Variants in IFT172 observed in about 807,000 individuals in gnomAD.
The protein encoded by IFT172 is intraflagellar transport protein 172 homolog.
A neutral mutation model predicts 248.9 loss-of-function variants in IFT172; 164 were observed. That is an observed-to-expected ratio of 0.66 (90% CI 0.58 to 0.75). The LOEUF is 0.75. IFT172 is among the 30% of genes least tolerant of loss of function. IFT172 has a pLI of 0.00. For missense variants in IFT172, 1,950 were observed against 2,192.4 expected (o/e 0.89, Z 2.21); for synonymous variants, 729 against 791.6 (o/e 0.92, Z 1.33).
intron 18 of IFT172, among the ~76,000 whole-genome samples, chr2:27,463,794 G>A (rs1215549938): frequency 6.6e-6 from 1 of 152,098 alleles, no homozygotes; most frequent in Non-Finnish European, 1.5e-5. Context: ...AACAGCTAGT[G>A]TTAAGGCTCT....
At chr2:27,459,564 T>A (rs779917509) in intron 24 of IFT172, 42 bp from the exon 25 acceptor site, 10 of 1,610,556 alleles carry the variant, frequency 6.2e-6, no homozygotes, top group Non-Finnish European at 7.6e-6. Context: ...GGATGAAAGA[T>A]GAAGATGAAT....
At chr2:27,458,923 T>G (rs538417396) in intron 25 of IFT172, 55 bp from the exon 26 acceptor site, 1 of 1,589,474 alleles carries the variant, frequency 6.3e-7, no homozygotes, top group Non-Finnish European at 8.6e-7. Context: ...TTAAAGCAGC[T>G]TGAATGAGGA....
In IFT172 at chr2:27,459,800, C is replaced by A. The variant is rs149748534; in HGVS notation, c.2551G>T (p.Val851Leu). Reference protein sequence around the residue: ...AVELARLAFPVEVVKLEEAWG... With the variant: ...AVELARLAFPLEVVKLEEAWG... The stretch of plus-strand genomic sequence containing the variant: ...GCCTCCTCTAGTTTCACCACCTCCA[C>A]TGGGAAGGCCAATCGAGCCAGCTCT... The change falls in exon 24 of 48, where the codon GTG (valine) becomes TTG (leucine). Residue 851 changes from valine to leucine, a missense_variant. Val to Leu is a conservative substitution (Grantham distance 32). Transcript: ENST00000260570. 4.8e-4 allele frequency: 770 copies of A among 1,612,648 alleles called. 4 individuals are homozygous for A. In the African/African-American group the frequency reaches 9.1e-3, roughly 19 times the overall value.
At position 27,477,994 on chromosome 2, in the gene IFT172, C is replaced by T; in HGVS notation, c.1167+1G>A. 1.9e-6 allele frequency: 3 copies of T among 1,614,056 alleles called. No homozygotes were observed. Among genetic ancestry groups the T allele is most frequent in the South Asian group, 2.2e-5 (2 of 91,072 alleles). On this transcript the variant is annotated splice_donor_variant, in intron 11 of 47. Coordinates refer to ENST00000260570, the MANE Select transcript of IFT172 (RefSeq NM_015662.3). LOFTEE classifies it high-confidence loss of function. Reference sequence around the variant, plus strand: ...ACCCTACCCTCAATTTTGGTTCCTACCTCACTAAGCCGATTAGTGTTCAGG... The same window carrying T: ...ACCCTACCCTCAATTTTGGTTCCTATCTCACTAAGCCGATTAGTGTTCAGG...
intron 39 of IFT172, 85 bp downstream of exon 39, chr2:27,449,209 G>A (rs1458715537): frequency 1.0e-5 from 16 of 1,528,124 alleles, no homozygotes; most frequent in Non-Finnish European, 1.2e-5. Context: ...GGGTTTTTGT[G>A]GAGGTAGAAG....
rs1317035837 is a variant in IFT172 at position 27,465,180 on chromosome 2, A to G, written c.1937+231T>C. On this transcript the variant is annotated intron_variant, in intron 18 of 47. Coordinates refer to ENST00000260570, the MANE Select transcript of IFT172 (RefSeq NM_015662.3). ...TGTGATCTGCCCACCTCAGCCTCCC[A>G]AAGTGCTGGGATTACAGGCATCAGC... 3 of 520,600 alleles carry G rather than the reference A, an allele frequency of 5.8e-6. No individual in the cohort carries two copies. In the South Asian group the frequency reaches 7.5e-5, roughly 13 times the overall value. The allele number at this position is 520,600 out of a possible 1,614,324, so 32.2% of individuals were successfully genotyped here.
At chr2:27,483,205 C>T in intron 7 of IFT172, 84 bp downstream of exon 7, 1 of 805,830 alleles carries the variant, frequency 1.2e-6, no homozygotes, top group Non-Finnish European at 2.2e-6. Context: ...TTGGTAGAGA[C>T]AGGGTTTCAC....
Position 27,449,493 on chromosome 2 carries a change from T to G in IFT172, c.4224+6A>C. On this transcript the variant is annotated splice_donor_region_variant and intron_variant, in intron 38 of 47. Coordinates refer to ENST00000260570, the MANE Select transcript of IFT172 (RefSeq NM_015662.3). ...TTCTGCCTCCTGCTAACTCTCCAAG[T>G]CTCACCGAGTCCACTTTGCCCTGAT... 6.2e-7 allele frequency: 1 copy of G among 1,614,120 alleles called. No homozygotes were observed. The highest frequency in any genetic ancestry group is 8.5e-7 in the Non-Finnish European group (1 of 1,180,014).
At chr2:27,467,403 T>A (rs1470941672) in intron 16 of IFT172, among the ~76,000 whole-genome samples, 1 of 115,584 alleles carries the variant, frequency 8.7e-6, no homozygotes, top group African/African-American at 3.5e-5. Flanking sequence ...TGAGAACTTG[T>A]CTTTACAGAA....
Position 27,457,726 on chromosome 2 carries a change from C to A in IFT172, c.3141G>T (p.Glu1047Asp). Residue 1047 changes from glutamate (E) to aspartate (D), a missense_variant, in exon 29 of 48, where the codon GAG becomes GAT. This residue lies in a region of IFT172 where 164 missense variants were observed against 239.3 expected (regional missense o/e 0.69). Coordinates refer to ENST00000260570, the MANE Select transcript of IFT172 (RefSeq NM_015662.3). ...GGGCCTCGAGGTAGTGGTACTCAGC[C>A]TCCTGTAGTCGGCCTTCAGCCTCCA... ...KELEAEGRLQ[E>D]AEYHYLEAQE... The A allele has an allele frequency of 6.2e-7, 1 of 1,614,154 alleles. No homozygotes were observed. Among genetic ancestry groups the A allele is most frequent in the South Asian group, 1.1e-5 (1 of 91,080 alleles).
At chr2:27,469,101 T>A (rs1378519502) in intron 16 of IFT172, among the ~76,000 whole-genome samples, 1 of 151,964 alleles carries the variant, frequency 6.6e-6, no homozygotes, top group Non-Finnish European at 1.5e-5. Flanking sequence ...ACTAAAGAAA[T>A]TTCTAAATAA....
Position 27,459,697 on chromosome 2 carries a change from A to G in IFT172, c.2642+12T>C. 2 of 1,611,418 alleles carry G rather than the reference A, an allele frequency of 1.2e-6. No individual in the cohort carries two copies. Among genetic ancestry groups the G allele is most frequent in the South Asian group, 1.1e-5 (1 of 91,064 alleles). ...ACACCTAAATCTCCTTTACATTCCC[A>G]TACTCCCATACCTGGCTTCGATGTA... On this transcript the variant is annotated intron_variant, in intron 24 of 47. Coordinates refer to ENST00000260570, the MANE Select transcript of IFT172 (RefSeq NM_015662.3).
At chr2:27,466,065 G>A in intron 16 of IFT172, 183 bp from the exon 17 acceptor site, 1 of 686,274 alleles carries the variant, frequency 1.5e-6, no homozygotes, top group East Asian at 2.7e-5. Context: ...CAATATCCTT[G>A]GGTTAAAGTA....
chr2:27,466,714 A>T (rs961002446), intron 16 of IFT172, among the ~76,000 whole-genome samples: 1 of 152,198 alleles, frequency 6.6e-6, no homozygotes, highest in African/African-American at 2.4e-5. Context: ...TTCAGATATT[A>T]AAAATAACAG....
intron 17 of IFT172, 59 bp downstream of exon 17, chr2:27,465,687 C>T (rs1028269731): frequency 2.5e-6 from 4 of 1,606,876 alleles, no homozygotes; most frequent in African/African-American, 2.7e-5. Context: ...CACCCCAGGT[C>T]CTCCCCTCTC....
chr2:27,459,834 C>T lies in IFT172; in HGVS notation c.2522-5G>A. 6.2e-7 allele frequency: 1 copy of T among 1,610,148 alleles called. No homozygotes were observed. Among genetic ancestry groups the T allele is most frequent in the Non-Finnish European group, 8.5e-7 (1 of 1,179,974 alleles). On this transcript the variant is annotated splice_region_variant and splice_polypyrimidine_tract_variant and intron_variant, in intron 23 of 47. Transcript: ENST00000260570. ...CCAATCGAGCCAGCTCTACCGCTGC[C>T]AGGGAGAGAAAAGATGCTCAGCCCA... is the stretch of plus-strand genomic sequence containing the variant.
At chr2:27,477,193 ATT>A (rs745668506) in intron 13 of IFT172, 22 bp downstream of exon 13, 49 of 1,582,976 alleles carry the variant, frequency 3.1e-5, no homozygotes, top group African/African-American at 4.0e-5. Flanking sequence ...GGTTTCAGGG[ATT>A]CAGAGAATCT....
At position 27,481,212 on chromosome 2, in the gene IFT172, T is replaced by C. The variant is rs1206666099; in HGVS notation, c.619A>G (p.Thr207Ala). 9 of 1,612,662 alleles carry C rather than the reference T, an allele frequency of 5.6e-6. No homozygotes were observed. Among genetic ancestry groups the C allele is most frequent in the Non-Finnish European group, 5.9e-6 (7 of 1,179,982 alleles). ...CAGCCTGCAGCCACGATGCTATTGG[T>C]TGCCCATGCCAAGGCATAGGGTGGA... ...PCPPYALAWA[T>A]NSIVAAGCDR... Residue 207 changes from threonine (T) to alanine (A), a missense_variant, in exon 8 of 48, where the codon ACC (threonine) becomes GCC (alanine). Coordinates refer to ENST00000260570, the MANE Select transcript of IFT172 (RefSeq NM_015662.3).
chr2:27,464,753 G>T (rs1042736349), intron 18 of IFT172, among the ~76,000 whole-genome samples: 1 of 151,944 alleles, frequency 6.6e-6, no homozygotes, highest in Non-Finnish European at 1.5e-5. Context: ...GAATAGCTGG[G>T]ACCACAGGTG....
Sources: gnomAD v4.1 joint callset for allele counts (sites outside exome capture counted in the v4.1 genomes callset) on GRCh38, gnomAD v4.1.1 for gene constraint, gnomAD v4.1.1 regional missense constraint, MANE v1.5 for transcripts, NCBI Gene and HGNC (gene_info 2026-07-23, HGNC 2026-07-21) for gene names.